Variants in RABGAP1L observed in about 807,000 individuals in gnomAD.
The protein encoded by RABGAP1L is rab GTPase-activating protein 1-like.
A neutral mutation model predicts 137.7 loss-of-function variants in RABGAP1L; 63 were observed. That is an observed-to-expected ratio of 0.46 (90% CI 0.37 to 0.56). RABGAP1L has a LOEUF of 0.56. RABGAP1L is among the 20% of genes least tolerant of loss of function. The pLI is 0.00. For synonymous variants in RABGAP1L, 431 were observed against 433.7 expected (o/e 0.99, Z 0.08); for missense variants, 1,095 against 1,244.0 (o/e 0.88, Z 1.80).
At chr1:174,778,994 T>C (rs1246634100) in intron 18 of RABGAP1L, among the ~76,000 whole-genome samples, 1 of 152,212 alleles carries the variant, frequency 6.6e-6, no homozygotes, top group Non-Finnish European at 1.5e-5. Context: ...CAACTTCCAA[T>C]TTAATAACTG....
chr1:174,756,799 C>T (rs548162417), intron 18 of RABGAP1L: 8 of 511,246 alleles, frequency 1.6e-5, no homozygotes, highest in Non-Finnish European at 2.3e-5. Context: ...AGTCCCTACT[C>T]GGTTGCAAAC....
At position 174,368,482 on chromosome 1, in the gene RABGAP1L, ACT is replaced by A. The variant is rs917882246; in HGVS notation, c.1466-2492_1466-2491del. On this transcript the variant is annotated intron_variant, in intron 11 of 25. Coordinates refer to ENST00000681986, the MANE Select transcript of RABGAP1L (RefSeq NM_001366446.1). ...AAAACTAGGTATTATCAATTTTTAT[ACT>A]CTCTGTCAATGTAATTGGTAGATAC... Among the ~76,000 whole-genome samples, 105 of 152,214 alleles carry A rather than the reference ACT, an allele frequency of 6.9e-4. 1 individual carries two copies. Among genetic ancestry groups the A allele is most frequent in the African/African-American group, 2.3e-3 (96 of 41,538 alleles).
At chr1:174,672,281 C>CTTTTT (rs1256381168) in intron 14 of RABGAP1L, among the ~76,000 whole-genome samples, 35 of 118,348 alleles carry the variant, frequency 3.0e-4, no homozygotes, top group East Asian at 7.3e-4. Context: ...TTTTTCCTTT[C>CTTTTT]TTTTTTTTTT....
intron 11 of RABGAP1L, among the ~76,000 whole-genome samples, chr1:174,346,645 G>A (rs1415044685): frequency 6.6e-6 from 1 of 151,114 alleles, no homozygotes; most frequent in African/African-American, 2.4e-5. Flanking sequence ...TTCTTAGTCT[G>A]TATAAAGTTC....
At chr1:174,553,884 T>A (rs1295767622) in intron 13 of RABGAP1L, among the ~76,000 whole-genome samples, 1 of 152,124 alleles carries the variant, frequency 6.6e-6, no homozygotes. Context: ...CCCAGCTCCT[T>A]GGCAGGGCTG....
chr1:174,226,011 G>A (rs1235419042), intron 3 of RABGAP1L, among the ~76,000 whole-genome samples: 1 of 152,006 alleles, frequency 6.6e-6, no homozygotes, highest in East Asian at 1.9e-4. Context: ...GTCGGGGCTA[G>A]TGGTAGAACT....
intron 1 of RABGAP1L, among the ~76,000 whole-genome samples, chr1:174,177,975 G>T (rs527596157): frequency 6.6e-6 from 1 of 152,064 alleles, no homozygotes; most frequent in Non-Finnish European, 1.5e-5. Context: ...TTGTTTTTTG[G>T]TTCCATATGA....
chr1:174,446,839 A>C (rs1184455659), intron 13 of RABGAP1L, among the ~76,000 whole-genome samples: 1 of 152,242 alleles, frequency 6.6e-6, no homozygotes, highest in African/African-American at 2.4e-5. Flanking sequence ...GTGTTAAATC[A>C]TCTACTGAAA....
At chr1:174,986,769 G>C (rs1193325213) in intron 24 of RABGAP1L, among the ~76,000 whole-genome samples, 1 of 152,172 alleles carries the variant, frequency 6.6e-6, no homozygotes, top group African/African-American at 2.4e-5. Context: ...TTATCTGAAG[G>C]TGCTATGTCT....
intron 1 of RABGAP1L, among the ~76,000 whole-genome samples, chr1:174,200,485 A>G (rs1668019525): frequency 6.6e-6 from 1 of 152,234 alleles, no homozygotes; most frequent in Admixed American, 6.5e-5. Context: ...ATGTATATAC[A>G]GATGTTTTTG....
At chr1:174,726,734 A>G (rs1333440256) in intron 17 of RABGAP1L, among the ~76,000 whole-genome samples, 1 of 152,144 alleles carries the variant, frequency 6.6e-6, no homozygotes, top group African/African-American at 2.4e-5. Flanking sequence ...GAAGTATTTT[A>G]TATTTTGAAG....
chr1:174,359,470 G>A (rs1683950274), intron 11 of RABGAP1L, among the ~76,000 whole-genome samples: 1 of 152,006 alleles, frequency 6.6e-6, no homozygotes, highest in Admixed American at 6.6e-5. Flanking sequence ...TTCTTTCTGG[G>A]CATCAAGGGG....
intron 13 of RABGAP1L, among the ~76,000 whole-genome samples, chr1:174,468,838 G>A (rs531113222): frequency 1.3e-5 from 2 of 152,260 alleles, no homozygotes; most frequent in East Asian, 1.9e-4. Context: ...GATGCCATAC[G>A]TGGTAGATGT....
At chr1:174,388,179 A>G (rs1263082399) in intron 12 of RABGAP1L, among the ~76,000 whole-genome samples, 2 of 152,106 alleles carry the variant, frequency 1.3e-5, no homozygotes, top group Non-Finnish European at 2.9e-5. Context: ...AGGATACAGT[A>G]TATATGCTCA....
chr1:174,928,722 A>G (rs1663233338), intron 19 of RABGAP1L, among the ~76,000 whole-genome samples: 1 of 151,550 alleles, frequency 6.6e-6, no homozygotes, highest in Non-Finnish European at 1.5e-5. Context: ...AGCTTTTTCT[A>G]TTTTCCTCTC....
intron 23 of RABGAP1L, among the ~76,000 whole-genome samples, chr1:174,980,900 G>GC (rs1671045075): frequency 7.1e-6 from 1 of 140,408 alleles, no homozygotes; most frequent in African/African-American, 2.7e-5. Flanking sequence ...ACAAAAGACA[G>GC]TTTTTTTTGT....
At chr1:174,609,777 T>A (rs1671054563) in intron 13 of RABGAP1L, among the ~76,000 whole-genome samples, 1 of 152,318 alleles carries the variant, frequency 6.6e-6, no homozygotes, top group African/African-American at 2.4e-5. Context: ...GTCACTTTAA[T>A]AAGAGTGATT....
At chr1:174,343,196 A>G (rs1205897068) in intron 11 of RABGAP1L, among the ~76,000 whole-genome samples, 1 of 152,212 alleles carries the variant, frequency 6.6e-6, no homozygotes, top group Non-Finnish European at 1.5e-5. Context: ...TGGATATAGC[A>G]TAATTTTATT....
intron 19 of RABGAP1L, among the ~76,000 whole-genome samples, chr1:174,919,138 C>G (rs1047597821): frequency 1.9e-4 from 29 of 152,206 alleles, no homozygotes; most frequent in Admixed American, 1.6e-3. Flanking sequence ...CCCGCCTCAG[C>G]CTTCCGAGTA....
Sources: allele counts gnomAD v4.1 joint callset (sites outside exome capture counted in the v4.1 genomes callset), GRCh38; gene constraint gnomAD v4.1.1; transcripts MANE v1.5; gene names NCBI Gene and HGNC (gene_info 2026-07-23, HGNC 2026-07-21).